SELENOF: variants seen among roughly 807,000 people sequenced by gnomAD.
SELENOF encodes the protein selenoprotein F.
Under a neutral mutation model 20.5 loss-of-function variants are expected in SELENOF, and 16 were observed. The observed-to-expected ratio is 0.78, with a 90% CI of 0.53 to 1.19. The LOEUF is 1.19. Among genes scored for constraint, SELENOF ranks in the 50% most tolerant of loss-of-function variants. The probability of loss-of-function intolerance (pLI) is 0.00; values close to 1 mark genes in which losing one functional copy is unlikely to be tolerated. For synonymous variants in SELENOF, 78 were observed against 74.5 expected, an observed-to-expected ratio of 1.05 and a Z score of -0.24; for missense variants, 215 against 194.2, an observed-to-expected ratio of 1.11 and a Z score of -0.64.
chr1:86,864,894 A>G (rs544668050), intron 4 of SELENOF, among the ~76,000 whole-genome samples: 1 of 152,184 alleles, frequency 6.6e-6, no homozygotes, highest in East Asian at 1.9e-4. Context: ...TCCGCCTCCC[A>G]AAGTGCTGGG....
Position 86,905,516 on chromosome 1 carries a change from C to T in SELENOF, c.85-2068G>A, listed in dbSNP as rs143361432. ...CATTAGCCAGAGTACTTTTCTTCTC[C>T]GAGAAACTTGTGCACAGTTGTAAAA... On this transcript the variant is annotated intron_variant, in intron 1 of 4. Coordinates refer to ENST00000331835, the MANE Select transcript of SELENOF (RefSeq NM_004261.5). Among the ~76,000 whole-genome samples, 7 of 152,226 alleles carry T rather than the reference C, an allele frequency of 4.6e-5. No homozygotes were observed. The East Asian group carries it at 9.6e-4, about 21-fold the overall frequency.
chr1:86,911,961 G>A (rs1402336145), intron 1 of SELENOF, among the ~76,000 whole-genome samples: 5 of 151,856 alleles, frequency 3.3e-5, no homozygotes, highest in Non-Finnish European at 4.4e-5. Context: ...TACTAGAGAC[G>A]GGGTTTCACC....
chr1:86,896,267 A>AG (rs1328783987), intron 2 of SELENOF, among the ~76,000 whole-genome samples: 2 of 130,350 alleles, frequency 1.5e-5, no homozygotes, highest in Non-Finnish European at 3.2e-5. Flanking sequence ...GGGGAGGGGG[A>AG]GGGGCGGATA....
At chr1:86,898,001 T>C (rs1449403687) in intron 2 of SELENOF, among the ~76,000 whole-genome samples, 1 of 152,236 alleles carries the variant, frequency 6.6e-6, no homozygotes, top group African/African-American at 2.4e-5. Flanking sequence ...TTCTAAAGAT[T>C]CAATATATAA....
intron 3 of SELENOF, among the ~76,000 whole-genome samples, chr1:86,869,216 G>A (rs1257667978): frequency 6.6e-6 from 1 of 152,156 alleles, no homozygotes. Flanking sequence ...TACGTACTTT[G>A]TAAACCTGCA....
At chr1:86,875,076 T>C (rs1658888677) in intron 3 of SELENOF, among the ~76,000 whole-genome samples, 1 of 151,794 alleles carries the variant, frequency 6.6e-6, no homozygotes, top group African/African-American at 2.4e-5. Flanking sequence ...TCTACCAAAA[T>C]ACACACACAA....
intron 3 of SELENOF, among the ~76,000 whole-genome samples, chr1:86,868,694 A>T (rs1658676920): frequency 6.6e-6 from 1 of 152,108 alleles, no homozygotes; most frequent in African/African-American, 2.4e-5. Flanking sequence ...GAGTCATGAT[A>T]ACTGCTAAAA....
chr1:86,871,059 T>C (rs1257553004), intron 3 of SELENOF, among the ~76,000 whole-genome samples: 2 of 152,216 alleles, frequency 1.3e-5, no homozygotes, highest in East Asian at 3.8e-4. Flanking sequence ...AGCTTCCTAA[T>C]TTTGAATATC....
chr1:86,878,949 A>C (rs1161412892), intron 3 of SELENOF, among the ~76,000 whole-genome samples: 1 of 152,200 alleles, frequency 6.6e-6, no homozygotes, highest in Non-Finnish European at 1.5e-5. Context: ...TAGATAATTA[A>C]ATATTTACAC....
intron 3 of SELENOF, among the ~76,000 whole-genome samples, chr1:86,878,555 G>A (rs574641159): frequency 1.8e-4 from 27 of 152,258 alleles, no homozygotes; most frequent in Non-Finnish European, 3.2e-4. Context: ...GGTGGCGTGC[G>A]CCTGTAGTCC....
intron 2 of SELENOF, among the ~76,000 whole-genome samples, chr1:86,896,939 G>T (rs1026296235): frequency 1.3e-5 from 2 of 152,170 alleles, no homozygotes; most frequent in African/African-American, 4.8e-5. Flanking sequence ...AGTAAAAACA[G>T]CCTTATTCAA....
At chr1:86,871,215 C>G (rs1364913954) in intron 3 of SELENOF, among the ~76,000 whole-genome samples, 1 of 152,118 alleles carries the variant, frequency 6.6e-6, no homozygotes, top group Non-Finnish European at 1.5e-5. Flanking sequence ...GTCAATACAT[C>G]TACAGTCTGC....
At chr1:86,874,151 A>C (rs1234713537) in intron 3 of SELENOF, among the ~76,000 whole-genome samples, 2 of 150,776 alleles carry the variant, frequency 1.3e-5, no homozygotes, top group Non-Finnish European at 3.0e-5. Context: ...TTGTATATTT[A>C]GTAGAGACGG....
chr1:86,887,800 A>T (rs1243001244), intron 2 of SELENOF, among the ~76,000 whole-genome samples: 1 of 152,176 alleles, frequency 6.6e-6, no homozygotes, highest in Non-Finnish European at 1.5e-5. Context: ...ACCCCTATGT[A>T]TACTTTAGCT....
intron 1 of SELENOF, among the ~76,000 whole-genome samples, chr1:86,907,632 C>T (rs917558153): frequency 2.0e-4 from 31 of 152,262 alleles, no homozygotes; most frequent in African/African-American, 7.0e-4. Context: ...ATTCTAAGGA[C>T]AGGGTTCCTG....
chr1:86,869,807 C>A (rs1033317693), intron 3 of SELENOF, among the ~76,000 whole-genome samples: 1 of 151,750 alleles, frequency 6.6e-6, no homozygotes, highest in South Asian at 2.1e-4. Context: ...GGGTCAGCCT[C>A]GGTCTTGCCC....
chr1:86,902,108 G>A (rs1659717900), intron 2 of SELENOF, among the ~76,000 whole-genome samples: 1 of 152,074 alleles, frequency 6.6e-6, no homozygotes, highest in Non-Finnish European at 1.5e-5. Context: ...GCAGCAAAAG[G>A]TCTACTAAAC....
At chr1:86,871,341 G>A (rs1299625862) in intron 3 of SELENOF, among the ~76,000 whole-genome samples, 2 of 152,136 alleles carry the variant, frequency 1.3e-5, no homozygotes, top group Non-Finnish European at 2.9e-5. Flanking sequence ...GTATGTTAGA[G>A]TCATAAAGAA....
intron 2 of SELENOF, among the ~76,000 whole-genome samples, chr1:86,893,758 G>A (rs1372337479): frequency 1.3e-5 from 2 of 152,108 alleles, no homozygotes; most frequent in African/African-American, 4.8e-5. Flanking sequence ...TGGCCTGTTG[G>A]AGTGCATGCA....
Sources: gnomAD v4.1 joint callset for allele counts (sites outside exome capture counted in the v4.1 genomes callset) on GRCh38, gnomAD v4.1.1 for gene constraint, MANE v1.5 for transcripts, NCBI Gene and HGNC (gene_info 2026-07-23, HGNC 2026-07-21) for gene names.